The following POU6F2 variants were observed in gnomAD, a reference collection of about 807,000 sequenced individuals.
The protein encoded by POU6F2 is POU class 6 homeobox 2.
A neutral mutation model predicts 71.3 loss-of-function variants in POU6F2; 31 were observed. The observed-to-expected ratio is 0.43, with a 90% CI of 0.33 to 0.59. POU6F2 has a LOEUF of 0.59. POU6F2 is among the 20% of genes least tolerant of loss of function. The pLI is 0.04. For missense variants in POU6F2, 783 were observed against 856.8 expected, an observed-to-expected ratio of 0.91 and a Z score of 1.07; for synonymous variants, 347 against 355.7, an observed-to-expected ratio of 0.98 and a Z score of 0.27.
intron 1 of POU6F2, among the ~76,000 whole-genome samples, chr7:38,979,085 GTTTCT>G (rs1788250182): frequency 6.6e-6 from 1 of 151,964 alleles, no homozygotes; most frequent in Non-Finnish European, 1.5e-5. Context: ...AATATACATG[GTTTCT>G]TTTCTTTTTT....
chr7:39,083,725 G>T (rs17171531), intron 1 of POU6F2: 2 of 151,970 alleles, frequency 1.3e-5, no homozygotes, highest in South Asian at 2.1e-4. Flanking sequence ...TGAATCGACC[G>T]CATTGATTAC....
At chr7:38,995,531 T>C (rs1788711948) in intron 1 of POU6F2, among the ~76,000 whole-genome samples, 1 of 152,070 alleles carries the variant, frequency 6.6e-6, no homozygotes, top group African/African-American at 2.4e-5. Flanking sequence ...AGGACTAAAA[T>C]ATTTGTTTGG....
intron 1 of POU6F2, among the ~76,000 whole-genome samples, chr7:39,023,489 G>C (rs940235058): frequency 2.6e-5 from 4 of 151,982 alleles, no homozygotes; most frequent in African/African-American, 9.7e-5. Context: ...CTAGGACCTA[G>C]CAGGTAGAGG....
At chr7:39,154,771 T>G (rs917040715) in intron 2 of POU6F2, among the ~76,000 whole-genome samples, 2 of 152,040 alleles carry the variant, frequency 1.3e-5, no homozygotes, top group Non-Finnish European at 2.9e-5. Context: ...CTGCAATGAA[T>G]GTACCGATGA....
chr7:39,039,773 T>C (rs927556674), intron 1 of POU6F2, among the ~76,000 whole-genome samples: 1 of 151,230 alleles, frequency 6.6e-6, no homozygotes, highest in Non-Finnish European at 1.5e-5. Flanking sequence ...GTCTACAAAT[T>C]TGGATTTTCA....
intron 1 of POU6F2, among the ~76,000 whole-genome samples, chr7:39,029,931 T>C (rs1789900929): frequency 6.6e-6 from 1 of 152,120 alleles, no homozygotes; most frequent in South Asian, 2.1e-4. Context: ...CACTACTAGA[T>C]TCTGCTTGCT....
At chr7:39,205,546 C>T (rs143724364) in intron 3 of POU6F2, among the ~76,000 whole-genome samples, 1,909 of 152,266 alleles carry the variant, frequency 0.013, 19 homozygotes, top group South Asian at 0.027. Context: ...CTGAGAGCTA[C>T]TTATTTGCCT....
intron 1 of POU6F2, among the ~76,000 whole-genome samples, chr7:39,035,743 A>G (rs115750398): frequency 0.011 from 1,607 of 152,128 alleles, 31 homozygotes; most frequent in African/African-American, 0.036. Context: ...CTCCACTCTA[A>G]AAGATAACAT....
intron 6 of POU6F2, among the ~76,000 whole-genome samples, chr7:39,413,005 C>T (rs1200044938): frequency 6.6e-6 from 1 of 150,582 alleles, no homozygotes; most frequent in African/African-American, 2.4e-5. Flanking sequence ...GGGGTTTCAC[C>T]GTGTTAGCCA....
At chr7:39,458,757 A>G (rs1336218390) in intron 8 of POU6F2, among the ~76,000 whole-genome samples, 1 of 152,030 alleles carries the variant, frequency 6.6e-6, no homozygotes, top group Non-Finnish European at 1.5e-5. Flanking sequence ...TCAGTGTGCT[A>G]CACTGAAATA....
chr7:39,056,696 G>GTGTA (rs1790534004), intron 1 of POU6F2, among the ~76,000 whole-genome samples: 1 of 151,204 alleles, frequency 6.6e-6, no homozygotes, highest in Non-Finnish European at 1.5e-5. Context: ...GTGTGTGTGT[G>GTGTA]TGTGTGTGTA....
At chr7:39,299,180 A>T (rs182066545) in intron 4 of POU6F2, among the ~76,000 whole-genome samples, 1 of 152,306 alleles carries the variant, frequency 6.6e-6, no homozygotes, top group South Asian at 2.1e-4. Flanking sequence ...AAATAAAATA[A>T]AACAAAAATT....
At chr7:39,001,604 T>C (rs1381436279) in intron 1 of POU6F2, among the ~76,000 whole-genome samples, 1 of 152,226 alleles carries the variant, frequency 6.6e-6, no homozygotes, top group African/African-American at 2.4e-5. Flanking sequence ...CTCCTAAAGG[T>C]TGCATGGTCA....
chr7:39,258,393 T>A (rs1217151699), intron 4 of POU6F2, among the ~76,000 whole-genome samples: 1 of 152,208 alleles, frequency 6.6e-6, no homozygotes, highest in Non-Finnish European at 1.5e-5. Context: ...TATCCAGACA[T>A]TTTCACATAC....
At chr7:39,334,630 TG>T (rs1408699380) in intron 4 of POU6F2, among the ~76,000 whole-genome samples, 1 of 152,190 alleles carries the variant, frequency 6.6e-6, no homozygotes, top group Non-Finnish European at 1.5e-5. Context: ...AACTTCCATC[TG>T]CGGGTGCAGG....
At chr7:39,184,457 T>G (rs934967258) in intron 2 of POU6F2, among the ~76,000 whole-genome samples, 28 of 152,154 alleles carry the variant, frequency 1.8e-4, no homozygotes, top group African/African-American at 6.5e-4. Context: ...ATGCCTAAAT[T>G]TACGCCCAGC....
chr7:39,451,258 G>A (rs1788651778), intron 7 of POU6F2, among the ~76,000 whole-genome samples: 1 of 151,356 alleles, frequency 6.6e-6, no homozygotes, highest in African/African-American at 2.4e-5. Context: ...TGCCAGGGTC[G>A]AGAAATGTAG....
At chr7:39,017,575 C>T (rs962163941) in intron 1 of POU6F2, among the ~76,000 whole-genome samples, 3 of 152,092 alleles carry the variant, frequency 2.0e-5, no homozygotes, top group Admixed American at 1.3e-4. Flanking sequence ...GGAGTCACTC[C>T]GTAGAGCTGC....
intron 1 of POU6F2, among the ~76,000 whole-genome samples, chr7:39,008,236 G>T (rs1377955815): frequency 6.6e-6 from 1 of 150,530 alleles, no homozygotes; most frequent in Admixed American, 6.6e-5. Context: ...GCGTGAGATG[G>T]TATCTCATTG....
Sources: allele counts gnomAD v4.1 joint callset (sites outside exome capture counted in the v4.1 genomes callset), GRCh38; gene constraint gnomAD v4.1.1; transcripts MANE v1.5; gene names NCBI Gene and HGNC (gene_info 2026-07-23, HGNC 2026-07-21).